ARHGAP28: variants seen among roughly 807,000 people sequenced by gnomAD.
ARHGAP28 encodes the protein rho GTPase-activating protein 28.
In ARHGAP28, 56 loss-of-function variants were observed where a neutral mutation model predicts 90.7. That is an observed-to-expected ratio of 0.62 (90% CI 0.50 to 0.77). The LOEUF (loss-of-function observed/expected upper bound fraction) is 0.77, where lower values mean the gene tolerates loss of function less well. Ranked by LOEUF, ARHGAP28 falls within the 30% of genes least tolerant of loss-of-function variation. The pLI, the probability that ARHGAP28 is intolerant of heterozygous loss-of-function variation, is 0.00. For missense variants in ARHGAP28, 869 were observed against 900.9 expected (o/e 0.96, Z 0.45); for synonymous variants, 308 against 323.3 (o/e 0.95, Z 0.51).
chr18:6,767,637 T>C (rs1305753049), intron 1 of ARHGAP28, among the ~76,000 whole-genome samples: 1 of 152,242 alleles, frequency 6.6e-6, no homozygotes, highest in East Asian at 1.9e-4. Context: ...GATGTTGCTC[T>C]ACTACTTTTA....
chr18:6,890,006 A>C lies in ARHGAP28; in HGVS notation c.1655A>C (p.Asp552Ala). The change falls in exon 13 of 18, where the codon GAT becomes GCT. Residue 552 changes from aspartate to alanine, a missense_variant. Asp to Ala is a moderately radical substitution (Grantham distance 126). Transcript: ENST00000383472. Reference sequence around the variant, plus strand: ...TTCTTCAGTAGAAGCAAACACTCTGATTATGAAGAATTACTGTTAGCAAAC... The same window carrying C: ...TTCTTCAGTAGAAGCAAACACTCTGCTTATGAAGAATTACTGTTAGCAAAC... ...NLFFSRSKHS[D>A]YEELLLANTA... 1.9e-6 allele frequency: 3 copies of C among 1,614,196 alleles called. No individual in the cohort carries two copies. Among genetic ancestry groups the C allele is most frequent in the Non-Finnish European group, 2.5e-6 (3 of 1,180,016 alleles).
At chr18:6,754,203 A>G (rs2056091685) in intron 1 of ARHGAP28, among the ~76,000 whole-genome samples, 2 of 152,142 alleles carry the variant, frequency 1.3e-5, no homozygotes, top group African/African-American at 2.4e-5. Flanking sequence ...ACTTCTTTCT[A>G]TTAAATGTGG....
At chr18:6,808,708 G>C (rs1388603506) in intron 1 of ARHGAP28, among the ~76,000 whole-genome samples, 1 of 152,116 alleles carries the variant, frequency 6.6e-6, no homozygotes, top group Non-Finnish European at 1.5e-5. Flanking sequence ...CTTTACTCTG[G>C]CAAGTGTGAA....
intron 16 of ARHGAP28, chr18:6,898,438 T>C (rs142605785): frequency 9.7e-5 from 150 of 1,538,982 alleles, no homozygotes; most frequent in Non-Finnish European, 1.3e-4. Context: ...GCTCCAAGAA[T>C]ACTGCACTGG....
At chr18:6,756,322 A>C (rs540875659) in intron 1 of ARHGAP28, among the ~76,000 whole-genome samples, 3 of 151,970 alleles carry the variant, frequency 2.0e-5, no homozygotes, top group Non-Finnish European at 2.9e-5. Flanking sequence ...TTCCATCTCC[A>C]TCCCTTTCAG....
chr18:6,874,771 C>A (rs1177593822), intron 9 of ARHGAP28: 1 of 152,126 alleles, frequency 6.6e-6, no homozygotes, highest in African/African-American at 2.4e-5. Context: ...CAAGCAACAC[C>A]TTTGTACACA....
chr18:6,814,877 A>C (rs1369349782), intron 1 of ARHGAP28, among the ~76,000 whole-genome samples: 1 of 152,210 alleles, frequency 6.6e-6, no homozygotes, highest in East Asian at 1.9e-4. Flanking sequence ...AGACTCTTAG[A>C]GTGACATGTT....
chr18:6,851,539 A>G lies in ARHGAP28; in HGVS notation c.636+413A>G, dbSNP rs554741773. Reference sequence around the variant, plus strand: ...ATCTTAAAATATTAAGGATATACCTACTATAAGACCCAACCGTTCTACTCA... The same window carrying G: ...ATCTTAAAATATTAAGGATATACCTGCTATAAGACCCAACCGTTCTACTCA... On this transcript the variant is annotated intron_variant, in intron 4 of 17. Coordinates refer to ENST00000383472, the MANE Select transcript of ARHGAP28 (RefSeq NM_001366230.1). Among the ~76,000 whole-genome samples, 45 of 152,324 alleles carry G rather than the reference A, an allele frequency of 3.0e-4. No individual in the cohort carries two copies. In the South Asian group the frequency reaches 8.9e-3, roughly 30 times the overall value.
rs1057471373 is a variant in ARHGAP28 at position 6,841,450 on chromosome 18, ATAAG to A, written c.543+4041_543+4044del. Among the ~76,000 whole-genome samples, 17 of 151,894 alleles carry A rather than the reference ATAAG, an allele frequency of 1.1e-4. No homozygotes were observed. The South Asian group carries it at 3.1e-3, about 28-fold the overall frequency. ...CCCAATATACTTATCTAGTAAGGAT[ATAAG>A]TAAGATAGATAAGTATAAGATACTT... On this transcript the variant is annotated intron_variant, in intron 3 of 17. Transcript: ENST00000383472.
chr18:6,912,162 T>C lies in ARHGAP28; in HGVS notation c.*8T>C. On this transcript the variant is annotated 3_prime_UTR_variant, in exon 18 of 18. Coordinates refer to ENST00000383472, the MANE Select transcript of ARHGAP28 (RefSeq NM_001366230.1). ...CCCCAACAAAGTTCTTAAAATATCCTCGAGAGAGCTGCTATCATGTATTAT... is the reference window on the plus strand; with the variant it reads ...CCCCAACAAAGTTCTTAAAATATCCCCGAGAGAGCTGCTATCATGTATTAT... 6.6e-7 allele frequency: 1 copy of C among 1,511,388 alleles called. No individual in the cohort carries two copies. The allele number at this position is 1,511,388 out of a possible 1,614,324, so 93.6% of individuals were successfully genotyped here.
intron 1 of ARHGAP28, among the ~76,000 whole-genome samples, chr18:6,783,426 C>T (rs1049021337): frequency 6.6e-6 from 1 of 151,784 alleles, no homozygotes; most frequent in Non-Finnish European, 1.5e-5. Context: ...CTCAGCCTCC[C>T]AAGTAGCTGG....
At chr18:6,746,685 G>A (rs1310658070) in intron 1 of ARHGAP28, among the ~76,000 whole-genome samples, 1 of 152,230 alleles carries the variant, frequency 6.6e-6, no homozygotes, top group Non-Finnish European at 1.5e-5. Context: ...TCAGTGAAGA[G>A]TCCAGACAAT....
chr18:6,880,767 A>C (rs2057171606), intron 10 of ARHGAP28, among the ~76,000 whole-genome samples: 1 of 152,164 alleles, frequency 6.6e-6, no homozygotes, highest in Non-Finnish European at 1.5e-5. Context: ...TCCTGGCTGC[A>C]TAGCACCAAT....
chr18:6,780,799 G>A (rs1253286497), intron 1 of ARHGAP28, among the ~76,000 whole-genome samples: 3 of 151,852 alleles, frequency 2.0e-5, no homozygotes, highest in Non-Finnish European at 2.9e-5. Flanking sequence ...GGCTGAGGCA[G>A]GAGAATCTCT....
chr18:6,851,189 G>C, intron 4 of ARHGAP28, 63 bp downstream of exon 4: 1 of 1,483,692 alleles, frequency 6.7e-7, no homozygotes, highest in South Asian at 1.2e-5. Context: ...CAAGATGGTT[G>C]AGCAAAACTT....
chr18:6,729,744 G>C lies in ARHGAP28; in HGVS notation c.-78G>C. Reference sequence around the variant, plus strand: ...CCTCGGGCCGCGCCGCCCAGCTGCTGACAGCCTCCCGGCGCGCCGGTCCAT... The same window carrying C: ...CCTCGGGCCGCGCCGCCCAGCTGCTCACAGCCTCCCGGCGCGCCGGTCCAT... On this transcript the variant is annotated 5_prime_UTR_variant, in exon 1 of 18. Transcript: ENST00000383472. 5 of 1,281,656 alleles carry C rather than the reference G, an allele frequency of 3.9e-6. No homozygotes were observed. The highest frequency in any genetic ancestry group is 4.9e-6 in the Non-Finnish European group (5 of 1,013,748). The allele number at this position is 1,281,656 out of a possible 1,614,324, so 79.4% of individuals were successfully genotyped here.
At chr18:6,778,464 C>T (rs1320737293) in intron 1 of ARHGAP28, among the ~76,000 whole-genome samples, 1 of 152,196 alleles carries the variant, frequency 6.6e-6, no homozygotes, top group Non-Finnish European at 1.5e-5. Context: ...AGAAACAATA[C>T]TGCAAGTACC....
In ARHGAP28 at chr18:6,824,810, A is replaced by T; in HGVS notation, c.171A>T (p.Glu57Asp). ...GAATTAACAGGATGCTCTCCAATGA[A>T]TCCCTCCATCCTCCTGCCTTCAGCC... is the stretch of plus-strand genomic sequence containing the variant. Reference protein sequence around the residue: ...CRRINRMLSNESLHPPAFSRS... With the variant: ...CRRINRMLSNDSLHPPAFSRS... The change falls in exon 2 of 18, where the codon GAA becomes GAT. Residue 57 changes from glutamate to aspartate, a missense_variant. Glu to Asp is a conservative substitution (Grantham distance 45). Transcript: ENST00000383472. 1 of 1,536,178 alleles carries T rather than the reference A, an allele frequency of 6.5e-7. No homozygotes were observed. Among genetic ancestry groups the T allele is most frequent in the Non-Finnish European group, 8.7e-7 (1 of 1,146,846 alleles).
At chr18:6,828,674 T>C (rs1380541284) in intron 2 of ARHGAP28, among the ~76,000 whole-genome samples, 1 of 152,192 alleles carries the variant, frequency 6.6e-6, no homozygotes, top group East Asian at 1.9e-4. Context: ...ATTTATTGAA[T>C]AGGGAGTCTT....
Sources: allele counts gnomAD v4.1 joint callset (sites outside exome capture counted in the v4.1 genomes callset), GRCh38; gene constraint gnomAD v4.1.1; transcripts MANE v1.5; gene names NCBI Gene and HGNC (gene_info 2026-07-23, HGNC 2026-07-21).